The following SLC2A13 variants were observed in gnomAD, a reference collection of about 807,000 sequenced individuals.
SLC2A13 encodes solute carrier family 2 member 13.
A neutral mutation model predicts 64.4 loss-of-function variants in SLC2A13; 32 were observed. The observed-to-expected ratio is 0.50, with a 90% CI of 0.37 to 0.67. The LOEUF (loss-of-function observed/expected upper bound fraction) is 0.67, where lower values mean the gene tolerates loss of function less well. Among genes scored for constraint, SLC2A13 ranks in the 30% least tolerant of loss-of-function variants. The pLI, the probability that SLC2A13 is intolerant of heterozygous loss-of-function variation, is 0.00. For missense variants in SLC2A13, 743 were observed against 829.2 expected (o/e 0.90, Z 1.28); for synonymous variants, 338 against 327.1 (o/e 1.03, Z -0.36).
intron 1 of SLC2A13, among the ~76,000 whole-genome samples, chr12:40,101,792 G>A (rs1240918410): frequency 2.6e-5 from 4 of 151,156 alleles, no homozygotes; most frequent in Non-Finnish European, 5.9e-5. Flanking sequence ...TAAATGCCCA[G>A]TAGGGTAACA....
At chr12:39,943,919 G>T (rs527607810) in intron 4 of SLC2A13, among the ~76,000 whole-genome samples, 35 of 152,134 alleles carry the variant, frequency 2.3e-4, no homozygotes, top group African/African-American at 7.5e-4. Flanking sequence ...AGCTGCAGGA[G>T]TTTTTTTTCA....
chr12:39,943,468 T>A (rs550357312), intron 4 of SLC2A13, among the ~76,000 whole-genome samples: 53 of 152,306 alleles, frequency 3.5e-4, no homozygotes, highest in African/African-American at 1.2e-3. Context: ...AGAAGGAATC[T>A]AGAGAGGCAG....
intron 1 of SLC2A13, chr12:40,068,601 T>C (rs1384568308): frequency 5.9e-6 from 1 of 168,382 alleles, no homozygotes; most frequent in Non-Finnish European, 1.3e-5. Context: ...ATTCCTGGCT[T>C]AGGTGCCAGA....
chr12:39,931,620 G>A (rs1241335568), intron 4 of SLC2A13, among the ~76,000 whole-genome samples: 1 of 152,176 alleles, frequency 6.6e-6, no homozygotes, highest in Non-Finnish European at 1.5e-5. Flanking sequence ...TTTCAGATAT[G>A]GTAAGGCAAA....
At chr12:39,953,545 T>C (rs1422206118) in intron 3 of SLC2A13, among the ~76,000 whole-genome samples, 2 of 152,218 alleles carry the variant, frequency 1.3e-5, no homozygotes, top group Non-Finnish European at 2.9e-5. Flanking sequence ...ATTAATTGGC[T>C]GAATGTTCAT....
chr12:39,973,481 T>G (rs1946704141), intron 3 of SLC2A13, among the ~76,000 whole-genome samples: 1 of 152,260 alleles, frequency 6.6e-6, no homozygotes, highest in Non-Finnish European at 1.5e-5. Context: ...TCCAATCTCA[T>G]GACTCCCAAA....
chr12:40,023,006 A>G (rs7959498), intron 3 of SLC2A13, among the ~76,000 whole-genome samples: 50,329 of 152,024 alleles, frequency 0.33, 8,418 homozygotes, highest in African/African-American at 0.36. Flanking sequence ...TTACTGCCCT[A>G]AGGCATGCAG....
intron 6 of SLC2A13, among the ~76,000 whole-genome samples, chr12:39,853,595 TTTTC>T (rs1471610094): frequency 1.6e-4 from 24 of 151,638 alleles, no homozygotes; most frequent in Admixed American, 5.9e-4. Flanking sequence ...CCTTCCTTCC[TTTTC>T]TTTCTTTCTT....
At chr12:40,032,442 CAGCT>C in intron 2 of SLC2A13, among the ~76,000 whole-genome samples, 1 of 152,246 alleles carries the variant, frequency 6.6e-6, no homozygotes, top group East Asian at 1.9e-4. Context: ...TTTTCTGGCA[CAGCT>C]AGCAGTACCA....
chr12:39,855,388 A>C (rs765597594), intron 6 of SLC2A13, among the ~76,000 whole-genome samples: 1 of 152,216 alleles, frequency 6.6e-6, no homozygotes, highest in African/African-American at 2.4e-5. Flanking sequence ...AGAACACTAT[A>C]AAAGGATCCA....
At chr12:39,878,119 A>G (rs987890478) in intron 4 of SLC2A13, among the ~76,000 whole-genome samples, 3 of 152,186 alleles carry the variant, frequency 2.0e-5, no homozygotes, top group Non-Finnish European at 4.4e-5. Flanking sequence ...TCTTCCTCAA[A>G]AGCCTACATA....
chr12:40,028,026 T>TCA (rs1363757771), intron 3 of SLC2A13, among the ~76,000 whole-genome samples: 3 of 152,140 alleles, frequency 2.0e-5, no homozygotes, highest in Non-Finnish European at 2.9e-5. Context: ...TTTATAAAAA[T>TCA]TAGTATGAAA....
chr12:39,889,831 T>C (rs1944560285), intron 4 of SLC2A13, among the ~76,000 whole-genome samples: 2 of 152,114 alleles, frequency 1.3e-5, no homozygotes, highest in Non-Finnish European at 2.9e-5. Flanking sequence ...GGCCTGGCCA[T>C]AAACAACCTT....
chr12:39,996,491 TG>T lies in SLC2A13; in HGVS notation c.925+31809del, dbSNP rs535843749. Reference sequence around the variant, plus strand: ...AGCCAAATGTTAATCCCCAAGACAATGGGGAAAATGTCTCCAGAGCATGTCA... The same window carrying T: ...AGCCAAATGTTAATCCCCAAGACAATGGGAAAATGTCTCCAGAGCATGTCA... On this transcript the variant is annotated intron_variant, in intron 3 of 9. Transcript: ENST00000280871. Among the ~76,000 whole-genome samples the T allele has an allele frequency of 1.5e-4, 23 of 152,278 alleles. No homozygotes were observed. The East Asian group carries it at 4.4e-3, about 29-fold the overall frequency.
At chr12:39,801,981 A>G (rs1941806899) in intron 7 of SLC2A13, among the ~76,000 whole-genome samples, 1 of 152,188 alleles carries the variant, frequency 6.6e-6, no homozygotes. Context: ...ATCTAGTACC[A>G]GGGGATAGCC....
chr12:39,986,184 G>A (rs578151076), intron 3 of SLC2A13, among the ~76,000 whole-genome samples: 1 of 152,148 alleles, frequency 6.6e-6, no homozygotes, highest in South Asian at 2.1e-4. Context: ...CTCCAGGTGA[G>A]GATTTATATT....
chr12:39,889,708 T>G lies in SLC2A13; in HGVS notation c.1035-17747A>C, dbSNP rs186408960. ...CCACCACGCCCGGCTAATTTTTGTA[T>G]TTTTAGAGAGACGGGGTTTCACCAT... is the stretch of plus-strand genomic sequence containing the variant. On this transcript the variant is annotated intron_variant, in intron 4 of 9. Coordinates refer to ENST00000280871, the MANE Select transcript of SLC2A13 (RefSeq NM_052885.4). Among the ~76,000 whole-genome samples the G allele has an allele frequency of 3.3e-5, 5 of 152,048 alleles. No individual in the cohort carries two copies. The East Asian group carries it at 9.7e-4, about 29-fold the overall frequency.
At chr12:39,956,630 CA>C (rs1187295711) in intron 3 of SLC2A13, among the ~76,000 whole-genome samples, 1 of 152,100 alleles carries the variant, frequency 6.6e-6, no homozygotes, top group Non-Finnish European at 1.5e-5. Flanking sequence ...TTAGAAACAA[CA>C]ATGTTTGATC....
chr12:39,942,350 T>C (rs575479327), intron 4 of SLC2A13, among the ~76,000 whole-genome samples: 1 of 152,340 alleles, frequency 6.6e-6, no homozygotes, highest in East Asian at 1.9e-4. Flanking sequence ...GAGCATGGGA[T>C]GTGTTTCCAT....
Sources: allele counts gnomAD v4.1 joint callset (sites outside exome capture counted in the v4.1 genomes callset), GRCh38; gene constraint gnomAD v4.1.1; transcripts MANE v1.5; gene names NCBI Gene and HGNC (gene_info 2026-07-23, HGNC 2026-07-21).